SGCZ: variants seen among roughly 807,000 people sequenced by gnomAD.
The protein encoded by SGCZ is sarcoglycan zeta.
Under a neutral mutation model 41.3 loss-of-function variants are expected in SGCZ, and 40 were observed. The ratio of observed to expected loss-of-function variants is 0.97; its 90% CI spans 0.75 to 1.26. The LOEUF is 1.26. SGCZ is among the 50% of genes most tolerant of loss of function. SGCZ has a pLI of 0.00. For synonymous variants in SGCZ, 206 were observed against 137.5 expected, an observed-to-expected ratio of 1.50 and a Z score of -3.49; for missense variants, 552 against 369.8, an observed-to-expected ratio of 1.49 and a Z score of -4.04.
rs552837234 is a variant in SGCZ, at chr8:14,581,643, C to A, written c.40-26717G>T. ...GTTTTGCATAATGTTGCTTCAGAGT[C>A]CAGAAAGCATCACCAAGAGTTACTA... On this transcript the variant is annotated intron_variant, in intron 1 of 7. Coordinates refer to ENST00000382080, the MANE Select transcript of SGCZ (RefSeq NM_139167.4). 9.2e-5 allele frequency among the ~76,000 whole-genome samples: 14 copies of A among 152,070 alleles called. No individual in the cohort carries two copies. The South Asian group carries it at 2.5e-3, about 27-fold the overall frequency.
intron 2 of SGCZ, among the ~76,000 whole-genome samples, chr8:14,463,699 C>T (rs896261977): frequency 1.3e-5 from 2 of 151,660 alleles, no homozygotes; most frequent in African/African-American, 4.8e-5. Flanking sequence ...AGGTCTTGTT[C>T]TTGACCTAAA....
At chr8:15,161,010 C>T (rs1294983335) in intron 1 of SGCZ, among the ~76,000 whole-genome samples, 1 of 152,114 alleles carries the variant, frequency 6.6e-6, no homozygotes, top group African/African-American at 2.4e-5. Flanking sequence ...CATCTTAAGT[C>T]AAATCATGAT....
chr8:14,493,775 A>G (rs192124068), intron 2 of SGCZ, among the ~76,000 whole-genome samples: 2 of 152,244 alleles, frequency 1.3e-5, no homozygotes, highest in African/African-American at 2.4e-5. Flanking sequence ...AAAGGCTTTC[A>G]TAAGAGTGGC....
At chr8:14,512,304 G>A (rs1428884253) in intron 2 of SGCZ, among the ~76,000 whole-genome samples, 1 of 152,136 alleles carries the variant, frequency 6.6e-6, no homozygotes, top group Non-Finnish European at 1.5e-5. Context: ...TATACCTTAA[G>A]AAGATCACAC....
chr8:14,853,323 C>T (rs1249849272), intron 1 of SGCZ: 1 of 301,314 alleles, frequency 3.3e-6, no homozygotes, highest in African/African-American at 2.2e-5. Context: ...TTAAACATGG[C>T]ACTTTTCATC....
chr8:14,184,607 T>A (rs951111035), intron 4 of SGCZ, among the ~76,000 whole-genome samples: 1 of 152,234 alleles, frequency 6.6e-6, no homozygotes. Flanking sequence ...ATGTTATCAA[T>A]GCTACTTCCT....
intron 2 of SGCZ, among the ~76,000 whole-genome samples, chr8:14,439,512 A>G (rs1374904154): frequency 6.6e-6 from 1 of 151,836 alleles, no homozygotes; most frequent in South Asian, 2.1e-4. Context: ...ATTCCTCATA[A>G]GTACAGACCC....
At chr8:14,191,959 G>A (rs1006859806) in intron 4 of SGCZ, among the ~76,000 whole-genome samples, 2 of 151,878 alleles carry the variant, frequency 1.3e-5, no homozygotes, top group African/African-American at 4.8e-5. Context: ...ATAAAGTATA[G>A]GAAAGCTCAA....
intron 1 of SGCZ, among the ~76,000 whole-genome samples, chr8:14,872,705 C>T (rs548883344): frequency 1.3e-5 from 2 of 152,182 alleles, no homozygotes; most frequent in African/African-American, 4.8e-5. Flanking sequence ...ACTAACTTGT[C>T]TTTCTTGGAA....
chr8:14,106,865 T>G (rs1802218488), intron 6 of SGCZ, among the ~76,000 whole-genome samples: 1 of 152,186 alleles, frequency 6.6e-6, no homozygotes, highest in South Asian at 2.1e-4. Flanking sequence ...AGAATGTAAT[T>G]TAGCTATCAT....
intron 1 of SGCZ, among the ~76,000 whole-genome samples, chr8:15,001,967 C>G (rs935213549): frequency 6.6e-6 from 1 of 151,888 alleles, no homozygotes; most frequent in African/African-American, 2.4e-5. Context: ...GAATAAAGAG[C>G]GAAGAAGATT....
chr8:14,397,233 G>C (rs1798944652), intron 2 of SGCZ, among the ~76,000 whole-genome samples: 2 of 151,966 alleles, frequency 1.3e-5, no homozygotes, highest in African/African-American at 4.8e-5. Flanking sequence ...TATGAGATGA[G>C]GCTATTTATA....
intron 1 of SGCZ, among the ~76,000 whole-genome samples, chr8:15,195,050 AATAAACT>A (rs1800677739): frequency 6.6e-6 from 1 of 152,244 alleles, no homozygotes. Context: ...CATCCAAAAA[AATAAACT>A]ATAAATACTA....
intron 1 of SGCZ, among the ~76,000 whole-genome samples, chr8:14,672,136 C>T (rs376326592): frequency 6.6e-6 from 1 of 152,118 alleles, no homozygotes; most frequent in Non-Finnish European, 1.5e-5. Context: ...CTGTGAGGTT[C>T]TCTTTGCCTT....
At position 14,336,645 on chromosome 8, in the gene SGCZ, G is replaced by A. The variant is rs144698916; in HGVS notation, c.235-12441C>T. ...ATCATAGCCATTCTGGCTGGTGTGAGATGATATCTCACGGTGGTTTACAAC... is the reference window on the plus strand; with the variant it reads ...ATCATAGCCATTCTGGCTGGTGTGAAATGATATCTCACGGTGGTTTACAAC... On this transcript the variant is annotated intron_variant, in intron 2 of 7. Coordinates refer to ENST00000382080, the MANE Select transcript of SGCZ (RefSeq NM_139167.4). Among the ~76,000 whole-genome samples the A allele has an allele frequency of 1.9e-3, 295 of 152,242 alleles. 1 individual carries two copies. The highest frequency in any genetic ancestry group is 6.8e-3 in the African/African-American group (283 of 41,546).
At chr8:14,597,936 A>G (rs913652451) in intron 1 of SGCZ, among the ~76,000 whole-genome samples, 1 of 152,174 alleles carries the variant, frequency 6.6e-6, no homozygotes, top group Non-Finnish European at 1.5e-5. Flanking sequence ...CCATCTCAAT[A>G]TTTATATTAT....
At chr8:14,696,584 T>A (rs1808970630) in intron 1 of SGCZ, among the ~76,000 whole-genome samples, 1 of 152,110 alleles carries the variant, frequency 6.6e-6, no homozygotes, top group South Asian at 2.1e-4. Context: ...TAACAGTTCT[T>A]TTTGATGGCC....
At chr8:14,506,777 G>C (rs555709981) in intron 2 of SGCZ, among the ~76,000 whole-genome samples, 2 of 152,230 alleles carry the variant, frequency 1.3e-5, no homozygotes, top group African/African-American at 4.8e-5. Context: ...GACAGCACTT[G>C]ACATATGTGC....
At chr8:15,151,141 T>A (rs915331245) in intron 1 of SGCZ, among the ~76,000 whole-genome samples, 1 of 152,246 alleles carries the variant, frequency 6.6e-6, no homozygotes, top group East Asian at 1.9e-4. Flanking sequence ...AGAGGACTAC[T>A]GCGGTACGCC....
Sources: gnomAD v4.1 joint callset for allele counts (sites outside exome capture counted in the v4.1 genomes callset) on GRCh38, gnomAD v4.1.1 for gene constraint, MANE v1.5 for transcripts, NCBI Gene and HGNC (gene_info 2026-07-23, HGNC 2026-07-21) for gene names.